Variants in AFG1L observed in about 807,000 individuals in gnomAD.
The protein encoded by AFG1L is AFG1 like ATPase.
A neutral mutation model predicts 62.2 loss-of-function variants in AFG1L; 53 were observed. The observed-to-expected ratio is 0.85, with a 90% CI of 0.68 to 1.07. The LOEUF is 1.07. AFG1L is among the 50% of genes least tolerant of loss of function. AFG1L has a pLI of 0.00. For synonymous variants in AFG1L, 228 were observed against 210.3 expected, an observed-to-expected ratio of 1.08 and a Z score of -0.73; for missense variants, 555 against 590.5, an observed-to-expected ratio of 0.94 and a Z score of 0.62.
chr6:108,376,842 T>G (rs1780268730), intron 6 of AFG1L, among the ~76,000 whole-genome samples: 1 of 152,140 alleles, frequency 6.6e-6, no homozygotes, highest in East Asian at 1.9e-4. Flanking sequence ...GGCGTTGAAG[T>G]CCCCTACTAT....
intron 10 of AFG1L, among the ~76,000 whole-genome samples, chr6:108,501,361 A>C (rs1012808809): frequency 5.9e-5 from 9 of 152,196 alleles, no homozygotes; most frequent in African/African-American, 2.2e-4. Context: ...AGACATTAAG[A>C]AGTTTTGTAT....
intron 7 of AFG1L, among the ~76,000 whole-genome samples, chr6:108,442,749 A>G (rs574292410): frequency 6.6e-6 from 1 of 150,992 alleles, no homozygotes; most frequent in East Asian, 1.9e-4. Context: ...GTCTTCACTC[A>G]GGGTAACCAA....
rs1183706685 is a variant in AFG1L, at chr6:108,434,039, A to T, written c.808-13175A>T. ...ACCAAGACAGGCACTTAAAGGGAAC[A>T]GGAATTGGAATAGGAGCTTTATGCT... is the stretch of plus-strand genomic sequence containing the variant. On this transcript the variant is annotated intron_variant, in intron 7 of 12. Transcript: ENST00000368977. Among the ~76,000 whole-genome samples, 3 of 152,250 alleles carry T rather than the reference A, an allele frequency of 2.0e-5. No homozygotes were observed. In the East Asian group the frequency reaches 5.8e-4, roughly 29 times the overall value.
intron 7 of AFG1L, among the ~76,000 whole-genome samples, chr6:108,402,437 C>T (rs1163091019): frequency 6.7e-6 from 1 of 148,910 alleles, no homozygotes; most frequent in Non-Finnish European, 1.5e-5. Flanking sequence ...ACACTCTAGC[C>T]TGGGTGACAG....
At chr6:108,376,261 A>G (rs1562118334) in intron 6 of AFG1L, among the ~76,000 whole-genome samples, 1 of 152,036 alleles carries the variant, frequency 6.6e-6, no homozygotes, top group Non-Finnish European at 1.5e-5. Context: ...TCAAAGAACC[A>G]ACTTTTGGTT....
intron 10 of AFG1L, among the ~76,000 whole-genome samples, chr6:108,486,608 T>C (rs1472419517): frequency 6.6e-6 from 1 of 152,180 alleles, no homozygotes; most frequent in East Asian, 1.9e-4. Context: ...TATTTTAGGG[T>C]TAAATATTAC....
At chr6:108,393,458 G>C (rs1005653080) in intron 6 of AFG1L, among the ~76,000 whole-genome samples, 1 of 151,844 alleles carries the variant, frequency 6.6e-6, no homozygotes, top group South Asian at 2.1e-4. Context: ...ATATAGTTTT[G>C]GATGATATAT....
chr6:108,344,738 A>G (rs1210669468), intron 2 of AFG1L: 1 of 470,748 alleles, frequency 2.1e-6, no homozygotes, highest in South Asian at 1.5e-5. Flanking sequence ...CCCTTTCTGA[A>G]CTCACTCCAC....
chr6:108,460,723 C>T (rs1405677069), intron 8 of AFG1L, among the ~76,000 whole-genome samples: 4 of 152,126 alleles, frequency 2.6e-5, no homozygotes, highest in East Asian at 1.9e-4. Context: ...TTTGGGAGGC[C>T]GAGGCGGGAG....
In AFG1L at chr6:108,339,723, C is replaced by T. The variant is rs6923061; in HGVS notation, c.364-7265C>T. On this transcript the variant is annotated intron_variant, in intron 2 of 12. Transcript: ENST00000368977. ...CTTGGCCTCCCAAAGTGCTGGATTA[C>T]AGGTGTGAACTACTGAAATTCTTTT... Among the ~76,000 whole-genome samples, 1,493 of 152,228 alleles carry T rather than the reference C, an allele frequency of 9.8e-3. 18 individuals carry two copies. Among genetic ancestry groups the T allele is most frequent in the African/African-American group, 0.033 (1,388 of 41,550 alleles).
intron 2 of AFG1L, among the ~76,000 whole-genome samples, chr6:108,331,829 G>T (rs1283284098): frequency 6.6e-6 from 1 of 152,168 alleles, no homozygotes; most frequent in East Asian, 1.9e-4. Context: ...TTAATCAGGG[G>T]TCTATAGGCA....
intron 6 of AFG1L, among the ~76,000 whole-genome samples, chr6:108,370,555 A>G (rs1779957835): frequency 6.6e-6 from 1 of 152,110 alleles, no homozygotes; most frequent in South Asian, 2.1e-4. Flanking sequence ...AACCCCTGCA[A>G]CAAGGAATTA....
chr6:108,505,748 C>G (rs551785944), intron 10 of AFG1L, among the ~76,000 whole-genome samples: 1 of 152,088 alleles, frequency 6.6e-6, no homozygotes, highest in East Asian at 1.9e-4. Flanking sequence ...TTAAACACAG[C>G]TAAGGAGAAG....
intron 6 of AFG1L, among the ~76,000 whole-genome samples, chr6:108,387,028 A>G (rs1401380778): frequency 6.6e-6 from 1 of 152,248 alleles, no homozygotes; most frequent in Non-Finnish European, 1.5e-5. Context: ...ATGTTAATGA[A>G]CATTCCAATT....
chr6:108,441,514 G>A (rs940010560), intron 7 of AFG1L, among the ~76,000 whole-genome samples: 1 of 151,688 alleles, frequency 6.6e-6, no homozygotes, highest in Admixed American at 6.6e-5. Context: ...TATTAGAATT[G>A]GATGGTGATA....
chr6:108,480,160 G>A (rs1773271941), intron 10 of AFG1L, among the ~76,000 whole-genome samples: 1 of 151,906 alleles, frequency 6.6e-6, no homozygotes, highest in African/African-American at 2.4e-5. Context: ...GTATCTCCTG[G>A]ATTCTCTTTC....
chr6:108,332,682 A>G (rs1444525776), intron 2 of AFG1L, among the ~76,000 whole-genome samples: 1 of 152,130 alleles, frequency 6.6e-6, no homozygotes, highest in Non-Finnish European at 1.5e-5. Context: ...GTCATGGCTC[A>G]CTGCAGCCTT....
intron 10 of AFG1L, among the ~76,000 whole-genome samples, chr6:108,486,203 T>G (rs1258556397): frequency 6.6e-6 from 1 of 152,174 alleles, no homozygotes; most frequent in Admixed American, 6.5e-5. Flanking sequence ...TTAAAAAGCT[T>G]TAACACTGAT....
At chr6:108,358,214 C>T (rs1339561737) in intron 5 of AFG1L, among the ~76,000 whole-genome samples, 1 of 152,186 alleles carries the variant, frequency 6.6e-6, no homozygotes, top group East Asian at 1.9e-4. Context: ...GGCCATTTCT[C>T]TTGATTTTCC....
Sources: gnomAD v4.1 joint callset for allele counts (sites outside exome capture counted in the v4.1 genomes callset) on GRCh38, gnomAD v4.1.1 for gene constraint, MANE v1.5 for transcripts, NCBI Gene and HGNC (gene_info 2026-07-23, HGNC 2026-07-21) for gene names.